Variants in GLG1 observed in about 807,000 individuals in gnomAD.
GLG1 encodes golgi glycoprotein 1.
A neutral mutation model predicts 160.5 loss-of-function variants in GLG1; 38 were observed. The ratio of observed to expected loss-of-function variants is 0.24; its 90% CI spans 0.18 to 0.31. The LOEUF is 0.31. Ranked by LOEUF, GLG1 falls within the 10% of genes least tolerant of loss-of-function variation. The pLI is 1.00. For synonymous variants in GLG1, 644 were observed against 543.4 expected (o/e 1.19, Z -2.57); for missense variants, 1,373 against 1,505.2 (o/e 0.91, Z 1.45).
rs779030587 is a variant in GLG1, at chr16:74,452,410, C to T, written c.*757G>A. The T allele has an allele frequency of 8.4e-7, 1 of 1,190,310 alleles. No individual in the cohort carries two copies. The highest frequency in any genetic ancestry group is 1.5e-5 in the African/African-American group (1 of 64,936). The allele number at this position is 1,190,310 out of a possible 1,614,324, so 73.7% of individuals were successfully genotyped here. A position where few individuals can be genotyped will look rare whatever the true frequency, so the allele number is the denominator to read the frequency against. On this transcript the variant is annotated 3_prime_UTR_variant, in exon 26 of 26. Transcript: ENST00000422840. ...TGTTCAACTTCACAAACTTCCGGTC[C>T]CTTCCCCTCCCCAGCTGCCCTTGTC...
chr16:74,469,973 C>G lies in GLG1; in HGVS notation c.2318+12G>C. 1 of 1,504,442 alleles carries G rather than the reference C, an allele frequency of 6.6e-7. No homozygotes were observed. Among genetic ancestry groups the G allele is most frequent in the Non-Finnish European group, 9.3e-7 (1 of 1,079,718 alleles). 93.2% of individuals were successfully genotyped at this position (1,504,442 alleles called of 1,614,324 possible). A position where few individuals can be genotyped will look rare whatever the true frequency, so the allele number is the denominator to read the frequency against. On this transcript the variant is annotated intron_variant, in intron 16 of 25. Coordinates refer to ENST00000422840, the MANE Select transcript of GLG1 (RefSeq NM_001145667.2). ...TCGGGAAAGTGGAATGAAACAACTA[C>G]AAGCTACATACTTCTTTTTTATGTT...
At chr16:74,511,930 T>C (rs2016821248) in intron 2 of GLG1, among the ~76,000 whole-genome samples, 1 of 152,140 alleles carries the variant, frequency 6.6e-6, no homozygotes, top group African/African-American at 2.4e-5. Context: ...ATCTCATCTT[T>C]TTTTTGTTCA....
At position 74,510,031 on chromosome 16, in the gene GLG1, C is replaced by CTTT. The variant is rs35929432; in HGVS notation, c.472-1109_472-1107dup. ...CTTGACACATACACTATAAGGTCTA[C>CTTT]TTTTTTTTTTTTTTTTTGAGACAGA... On this transcript the variant is annotated intron_variant, in intron 2 of 25. Transcript: ENST00000422840. Among the ~76,000 whole-genome samples the CTTT allele has an allele frequency of 1.5e-4, 20 of 134,634 alleles. 1 individual carries two copies. The highest frequency in any genetic ancestry group is 5.3e-4 in the African/African-American group (19 of 35,744). The allele number at this position is 134,634 out of a possible 152,430, so 88.3% of individuals were successfully genotyped here. A position where few individuals can be genotyped will look rare whatever the true frequency, so the allele number is the denominator to read the frequency against.
At chr16:74,526,828 C>T (rs2017349588) in intron 2 of GLG1, among the ~76,000 whole-genome samples, 1 of 152,204 alleles carries the variant, frequency 6.6e-6, no homozygotes, top group Admixed American at 6.5e-5. Context: ...TTGATCACTT[C>T]CTGCTATCAC....
intron 21 of GLG1, 145 bp from the exon 22 acceptor site, chr16:74,462,340 T>C: frequency 4.8e-6 from 4 of 831,742 alleles, no homozygotes; most frequent in Non-Finnish European, 7.8e-6. Flanking sequence ...AATGCCTGCT[T>C]TTGATCTGGC....
chr16:74,553,721 C>G (rs1014688899), intron 1 of GLG1, among the ~76,000 whole-genome samples: 22 of 152,164 alleles, frequency 1.4e-4, no homozygotes, highest in African/African-American at 5.1e-4. Flanking sequence ...GATCCACCCG[C>G]CTCGGCCTCC....
chr16:74,467,457 AGAG>A (rs1296033303), intron 18 of GLG1, among the ~76,000 whole-genome samples: 4 of 152,218 alleles, frequency 2.6e-5, no homozygotes, highest in African/African-American at 9.6e-5. Flanking sequence ...AGAATGCTAC[AGAG>A]GAGGAGGCAT....
chr16:74,542,122 T>A (rs1453066200), intron 1 of GLG1, among the ~76,000 whole-genome samples: 3 of 149,672 alleles, frequency 2.0e-5, no homozygotes, highest in Non-Finnish European at 4.4e-5. Flanking sequence ...GACTGACAGT[T>A]CTACTCTAAG....
intron 24 of GLG1, among the ~76,000 whole-genome samples, chr16:74,457,452 G>A (rs1386915613): frequency 2.0e-5 from 3 of 152,048 alleles, no homozygotes; most frequent in South Asian, 2.1e-4. Context: ...TTGGGTATAC[G>A]TGGCTCAAAA....
chr16:74,543,648 A>G (rs1052282766), intron 1 of GLG1, among the ~76,000 whole-genome samples: 5 of 152,308 alleles, frequency 3.3e-5, no homozygotes, highest in East Asian at 1.9e-4. Flanking sequence ...ATATCAAACT[A>G]TATTATAGTT....
intron 22 of GLG1, among the ~76,000 whole-genome samples, chr16:74,460,596 G>C (rs1486766840): frequency 6.6e-6 from 1 of 152,174 alleles, no homozygotes; most frequent in Non-Finnish European, 1.5e-5. Context: ...AGAACCCTTG[G>C]TCTCTAAACA....
At chr16:74,576,484 T>C (rs955655821) in intron 1 of GLG1, among the ~76,000 whole-genome samples, 7 of 152,324 alleles carry the variant, frequency 4.6e-5, no homozygotes, top group South Asian at 2.1e-4. Flanking sequence ...ACCATACTTA[T>C]TTTAGGCTTT....
rs573879472 is a variant in GLG1 at position 74,455,919 on chromosome 16, G to A, written c.3372+730C>T. ...TTATGTAAACTACAAAGCAATGTAT[G>A]CACGAGAAGAACTGTTATTCTTCTC... On this transcript the variant is annotated intron_variant, in intron 25 of 25. Coordinates refer to ENST00000422840, the MANE Select transcript of GLG1 (RefSeq NM_001145667.2). Among the ~76,000 whole-genome samples the A allele has an allele frequency of 1.9e-3, 284 of 152,296 alleles. 4 individuals are homozygous for A. The South Asian group carries it at 0.025, about 13-fold the overall frequency.
intron 12 of GLG1, among the ~76,000 whole-genome samples, chr16:74,475,216 A>C (rs759049719): frequency 2.0e-5 from 3 of 151,872 alleles, no homozygotes; most frequent in Non-Finnish European, 4.4e-5. Flanking sequence ...CCAAATCTAC[A>C]AGTGCAAGGA....
intron 4 of GLG1, 93 bp from the exon 5 acceptor site, chr16:74,496,737 C>T: frequency 1.3e-6 from 1 of 768,872 alleles, no homozygotes; most frequent in East Asian, 2.5e-5. Context: ...CACACACACA[C>T]ACACACACAC....
intron 1 of GLG1, among the ~76,000 whole-genome samples, chr16:74,582,791 G>C (rs903020985): frequency 1.3e-5 from 2 of 151,864 alleles, no homozygotes; most frequent in Non-Finnish European, 2.9e-5. Context: ...CTGCACTCCA[G>C]CCTGGGTGAC....
chr16:74,550,382 T>G (rs941158979), intron 1 of GLG1, among the ~76,000 whole-genome samples: 1 of 152,000 alleles, frequency 6.6e-6, no homozygotes, highest in African/African-American at 2.4e-5. Context: ...GGTCAATATG[T>G]TGGCTTACAA....
At chr16:74,603,467 G>T (rs531113661) in intron 1 of GLG1, among the ~76,000 whole-genome samples, 2 of 151,530 alleles carry the variant, frequency 1.3e-5, no homozygotes, top group Admixed American at 6.6e-5. Flanking sequence ...TATTAGAGAC[G>T]GTGTCTCACT....
At chr16:74,541,716 A>C (rs999153251) in intron 1 of GLG1, among the ~76,000 whole-genome samples, 8 of 152,226 alleles carry the variant, frequency 5.3e-5, no homozygotes, top group East Asian at 1.9e-4. Context: ...CGTTACTGCT[A>C]TCCAAGAGGC....
Sources: allele counts gnomAD v4.1 joint callset (sites outside exome capture counted in the v4.1 genomes callset), GRCh38; gene constraint gnomAD v4.1.1; transcripts MANE v1.5; gene names NCBI Gene and HGNC (gene_info 2026-07-23, HGNC 2026-07-21).